The following GCNT2 variants were observed in gnomAD, a reference collection of about 807,000 sequenced individuals.
GCNT2 encodes the protein glucosaminyl (N-acetyl) transferase 2 (I blood group), also known as N-acetyllactosaminide beta-1,6-N-acetylglucosaminyl-transferase.
GCNT2 carries 34 observed loss-of-function variants against 34.2 expected under a neutral mutation model. The ratio of observed to expected loss-of-function variants is 1.00; its 90% CI spans 0.76 to 1.32. The LOEUF (loss-of-function observed/expected upper bound fraction) is 1.32, where lower values mean the gene tolerates loss of function less well. Among genes scored for constraint, GCNT2 ranks in the 40% most tolerant of loss-of-function variants. The probability of loss-of-function intolerance (pLI) is 0.00; values close to 1 mark genes in which losing one functional copy is unlikely to be tolerated. For missense variants in GCNT2, 584 were observed against 489.4 expected (o/e 1.19, Z -1.82); for synonymous variants, 212 against 188.0 (o/e 1.13, Z -1.04).
chr6:10,555,094 A>G (rs1397696929), intron 3 of GCNT2, among the ~76,000 whole-genome samples: 1 of 152,138 alleles, frequency 6.6e-6, no homozygotes, highest in Non-Finnish European at 1.5e-5. Flanking sequence ...GAAAATGTGC[A>G]TTAAAGGACA....
chr6:10,542,431 G>A (rs1409614025), intron 3 of GCNT2, among the ~76,000 whole-genome samples: 3 of 152,144 alleles, frequency 2.0e-5, no homozygotes, highest in Non-Finnish European at 4.4e-5. Flanking sequence ...ACAATGTAAT[G>A]ATTTTTAGTG....
At position 10,529,223 on chromosome 6, in the gene GCNT2, C is replaced by A. The variant is rs780558447; in HGVS notation, c.312C>A (p.His104Gln). ...CTTTAGCTTACACAGTGACCATCCA[C>A]AAAGACTTCGGCACTTTTGAGAGGC... ...GFPLAYTVTI[H>Q]KDFGTFERLF... Residue 104 changes from histidine to glutamine, a missense_variant, in exon 3 of 5, where the codon CAC becomes CAA. Coordinates refer to ENST00000495262, the MANE Select transcript of GCNT2 (RefSeq NM_145649.5). The A allele has an allele frequency of 3.3e-5, 53 of 1,614,078 alleles. No homozygotes were observed. The highest frequency in any genetic ancestry group is 4.3e-5 in the Non-Finnish European group (51 of 1,180,018).
At chr6:10,585,031 CAGTG>C (rs1413351633) in intron 3 of GCNT2, among the ~76,000 whole-genome samples, 2 of 97,264 alleles carry the variant, frequency 2.1e-5, no homozygotes, top group African/African-American at 9.7e-5. Flanking sequence ...TTCCCATAGT[CAGTG>C]TGTGTGTGTG....
chr6:10,594,550 A>G (rs1476924196), intron 3 of GCNT2, among the ~76,000 whole-genome samples: 1 of 152,198 alleles, frequency 6.6e-6, no homozygotes. Context: ...TGTAGTCACA[A>G]TAATGATGGC....
chr6:10,555,996 C>T (rs1346095244), intron 3 of GCNT2: 3 of 1,097,182 alleles, frequency 2.7e-6, no homozygotes, highest in Non-Finnish European at 3.3e-6. Flanking sequence ...ATCACTTCAA[C>T]TCTGGCTTTC....
chr6:10,540,389 G>C (rs1466980058), intron 3 of GCNT2, among the ~76,000 whole-genome samples: 4 of 151,582 alleles, frequency 2.6e-5, no homozygotes, highest in East Asian at 1.9e-4. Context: ...ATTCTCCTCT[G>C]TTCAAGATCC....
At chr6:10,546,143 C>T (rs1254793110) in intron 3 of GCNT2, among the ~76,000 whole-genome samples, 1 of 152,124 alleles carries the variant, frequency 6.6e-6, no homozygotes, top group African/African-American at 2.4e-5. Context: ...TACAGATGGG[C>T]TACACGTTGA....
At chr6:10,575,307 A>T (rs597777) in intron 3 of GCNT2, 3,340 of 198,388 alleles carry the variant, frequency 0.017, 105 homozygotes, top group African/African-American at 0.072. Context: ...TATCTCATAC[A>T]GTGTCTGTTT....
At chr6:10,619,764 T>G (rs1765953675) in intron 3 of GCNT2, 1 of 152,206 alleles carries the variant, frequency 6.6e-6, no homozygotes, top group Admixed American at 6.5e-5. Flanking sequence ...GTCTTACAAT[T>G]CTGCAGGACA....
chr6:10,623,464 G>C (rs945954746), intron 4 of GCNT2, among the ~76,000 whole-genome samples: 1 of 151,784 alleles, frequency 6.6e-6, no homozygotes, highest in Non-Finnish European at 1.5e-5. Flanking sequence ...GCTAATTTTT[G>C]TATTTTTAGT....
intron 4 of GCNT2, among the ~76,000 whole-genome samples, chr6:10,625,243 TCTAATGTAC>T (rs1439414266): frequency 6.6e-6 from 1 of 152,206 alleles, no homozygotes; most frequent in Non-Finnish European, 1.5e-5. Flanking sequence ...CCTCTTGGTT[TCTAATGTAC>T]CTTGCAAAAC....
At chr6:10,601,752 C>G (rs1765093202) in intron 3 of GCNT2, among the ~76,000 whole-genome samples, 1 of 151,916 alleles carries the variant, frequency 6.6e-6, no homozygotes, top group Non-Finnish European at 1.5e-5. Context: ...CCAGCCTGGC[C>G]AAGATGATGA....
intron 3 of GCNT2, among the ~76,000 whole-genome samples, chr6:10,537,572 G>A (rs1761820201): frequency 6.6e-6 from 1 of 151,474 alleles, no homozygotes; most frequent in South Asian, 2.1e-4. Context: ...GTGGTGGCGG[G>A]CACCTGTAAT....
chr6:10,621,763 G>A (rs1766048043), intron 4 of GCNT2: 2 of 363,642 alleles, frequency 5.5e-6, no homozygotes, highest in Non-Finnish European at 5.4e-6. Context: ...AAGCTGGAGT[G>A]CAGTGGCATG....
chr6:10,528,677 G>A lies in GCNT2; in HGVS notation c.-235G>A. The A allele has an allele frequency of 8.7e-6, 5 of 577,436 alleles. No individual in the cohort carries two copies. Among genetic ancestry groups the A allele is most frequent in the Non-Finnish European group, 1.5e-5 (5 of 324,720 alleles). The allele number at this position is 577,436 out of a possible 1,614,324, so 35.8% of individuals were successfully genotyped here. ...GAGAACAGGCAAGCCAAATGCAAAG[G>A]AGCCACTTCAGAAATGTGTCACAGA... On this transcript the variant is annotated 5_prime_UTR_variant, in exon 3 of 5. Coordinates refer to ENST00000495262, the MANE Select transcript of GCNT2 (RefSeq NM_145649.5).
chr6:10,548,119 G>A (rs1233666563), intron 3 of GCNT2, among the ~76,000 whole-genome samples: 2 of 152,156 alleles, frequency 1.3e-5, no homozygotes, highest in Non-Finnish European at 2.9e-5. Flanking sequence ...TCAAAATCTG[G>A]GAAGCTGAAA....
intron 3 of GCNT2, among the ~76,000 whole-genome samples, chr6:10,580,296 C>T (rs1561814839): frequency 6.6e-6 from 1 of 152,146 alleles, no homozygotes; most frequent in Non-Finnish European, 1.5e-5. Context: ...GATGCAGGCT[C>T]TCTCATTCCC....
At chr6:10,590,905 G>A (rs1764612076) in intron 3 of GCNT2, among the ~76,000 whole-genome samples, 1 of 152,118 alleles carries the variant, frequency 6.6e-6, no homozygotes, top group African/African-American at 2.4e-5. Flanking sequence ...CATAAAGAAT[G>A]TCCTTCGTGT....
chr6:10,595,041 T>G (rs1377636187), intron 3 of GCNT2, among the ~76,000 whole-genome samples: 1 of 152,138 alleles, frequency 6.6e-6, no homozygotes, highest in Non-Finnish European at 1.5e-5. Flanking sequence ...GTCGGGGTTT[T>G]ACTATGTTGC....
Sources: gnomAD v4.1 joint callset for allele counts (sites outside exome capture counted in the v4.1 genomes callset) on GRCh38, gnomAD v4.1.1 for gene constraint, MANE v1.5 for transcripts, NCBI Gene and HGNC (gene_info 2026-07-23, HGNC 2026-07-21) for gene names.